NR4A1: variants seen among roughly 807,000 people sequenced by gnomAD.
NR4A1 encodes nuclear receptor subfamily 4immunitygroup A member 1.
Under a neutral mutation model 47.5 loss-of-function variants are expected in NR4A1, and 24 were observed. That is an observed-to-expected ratio of 0.50 (90% CI 0.37 to 0.71). NR4A1 has a LOEUF of 0.71. Ranked by LOEUF, NR4A1 falls within the 30% of genes least tolerant of loss-of-function variation. The probability of loss-of-function intolerance (pLI) is 0.00; values close to 1 mark genes in which losing one functional copy is unlikely to be tolerated. For synonymous variants in NR4A1, 353 were observed against 345.7 expected (o/e 1.02, Z -0.24); for missense variants, 669 against 788.6 (o/e 0.85, Z 1.82).
intron 2 of NR4A1, chr12:52,042,003 TGCCCAAA>T (rs1938459419): frequency 2.0e-6 from 2 of 1,020,248 alleles, no homozygotes; most frequent in African/African-American, 3.4e-5. Context: ...GGGGTGGAGC[TGCCCAAA>T]GCGGATGTGG....
chr12:52,037,568 G>GA (rs905982611), intron 1 of NR4A1: 3 of 982,714 alleles, frequency 3.1e-6, no homozygotes, highest in Middle Eastern at 5.2e-4. Context: ...TGGGGAGTCG[G>GA]GGGGGGGACT....
chr12:52,056,654 C>T lies in NR4A1; in HGVS notation c.1158+9C>T. The T allele has an allele frequency of 2.6e-6, 4 of 1,564,734 alleles. No individual in the cohort carries two copies. The highest frequency in any genetic ancestry group is 3.4e-6 in the Non-Finnish European group (4 of 1,161,658). Reference sequence around the variant, plus strand: ...AACTGGACTACTCCAAGGTGAGGTCCCACCCCGTGTCTGCCTTGGGGAGGT... The same window carrying T: ...AACTGGACTACTCCAAGGTGAGGTCTCACCCCGTGTCTGCCTTGGGGAGGT... On this transcript the variant is annotated intron_variant, in intron 4 of 6. Transcript: ENST00000394825.
chr12:52,057,444 G>A lies in NR4A1; in HGVS notation c.1454G>A (p.Ser485Asn), dbSNP rs1592309586. The A allele has an allele frequency of 1.9e-6, 3 of 1,614,250 alleles. No individual in the cohort carries two copies. Among genetic ancestry groups the A allele is most frequent in the South Asian group, 2.2e-5 (2 of 91,088 alleles). ...CGTGGCTTCGGGGACTGGATTGACAGTATCCTGGCCTTCTCAAGGTCCCTG... is the reference window on the plus strand; with the variant it reads ...CGTGGCTTCGGGGACTGGATTGACAATATCCTGGCCTTCTCAAGGTCCCTG... Reference protein sequence around the residue: ...CARGFGDWIDSILAFSRSLHS... With the variant: ...CARGFGDWIDNILAFSRSLHS... The change falls in exon 6 of 7, where the codon AGT becomes AAT. Residue 485 changes from serine (S) to asparagine (N), a missense_variant. By Grantham distance (46) the Ser-to-Asn change is conservative. Transcript: ENST00000394825.
At chr12:52,046,970 A>G (rs1938671528), upstream of NR4A1, among the ~76,000 whole-genome samples, 1 of 152,090 alleles carries the variant, frequency 6.6e-6, no homozygotes, top group Non-Finnish European at 1.5e-5. Flanking sequence ...AGGTCCTTAT[A>G]TGGGGTCGGT....
intron 1 of NR4A1, among the ~76,000 whole-genome samples, chr12:52,040,300 G>C (rs1215756602): frequency 6.6e-6 from 1 of 152,210 alleles, no homozygotes; most frequent in African/African-American, 2.4e-5. Flanking sequence ...GCACCACCTG[G>C]TGCCAAACTC....
chr12:52,055,340 G>C, intron 2 of NR4A1, 136 bp downstream of exon 2: 3 of 1,177,092 alleles, frequency 2.5e-6, no homozygotes, highest in Non-Finnish European at 3.5e-6. Context: ...AGCCCTGCCA[G>C]GTGGGCCGCC....
upstream of NR4A1, among the ~76,000 whole-genome samples, chr12:52,049,256 C>A (rs1429571006): frequency 6.6e-6 from 1 of 152,274 alleles, no homozygotes; most frequent in African/African-American, 2.4e-5. Context: ...GTTTTTGGAT[C>A]CATGTTGGAT....
chr12:52,048,560 C>G (rs190579952), upstream of NR4A1, among the ~76,000 whole-genome samples: 10 of 152,324 alleles, frequency 6.6e-5, no homozygotes, highest in East Asian at 1.7e-3. Context: ...TGCCACTGCA[C>G]TCCAGCCTGG....
chr12:52,043,736 C>CT, intron 2 of NR4A1: 1 of 1,281,848 alleles, frequency 7.8e-7, no homozygotes, highest in African/African-American at 1.5e-5. Flanking sequence ...ATCCAGAGCT[C>CT]GCTCAGCTGC....
In NR4A1 at chr12:52,054,572, T is replaced by G. The variant is rs937797286; in HGVS notation, c.244T>G (p.Ser82Ala). The change falls in exon 2 of 7, where the codon TCC (serine) becomes GCC (alanine). Residue 82 changes from serine to alanine, a missense_variant. Physicochemically the swap from Ser to Ala is moderately conservative, Grantham distance 99. Transcript: ENST00000394825. The part of the protein sequence containing the change: ...PGTVQPCSSA[S>A]SSASSTSSSS... ...AACAGTCCAGCCATGCTCCTCAGCC[T>G]CCTCCTCGGCCTCCTCCACATCCTC... 6.2e-7 allele frequency: 1 copy of G among 1,614,010 alleles called. No individual in the cohort carries two copies. The highest frequency in any genetic ancestry group is 2.2e-5 in the East Asian group (1 of 44,876).
Position 52,038,367 on chromosome 12 carries a change from C to A in NR4A1, c.-83-3443C>A, listed in dbSNP as rs534684753. ...CGTGAGCCACCGCGCCTGGCAGGCT[C>A]ATTCCCTTTTTATGCCTTCGTTTTT... On this transcript the variant is annotated intron_variant, in intron 1 of 7. Transcript: ENST00000360284. 2.9e-4 allele frequency: 71 copies of A among 244,500 alleles called. 1 individual carries two copies. The highest frequency in any genetic ancestry group is 1.5e-3 in the African/African-American group (68 of 43,942). 15.1% of individuals were successfully genotyped at this position (244,500 alleles called of 1,614,324 possible).
rs1882118 is a variant in NR4A1, at chr12:52,054,404, C to G, written c.76C>G (p.Leu26Val). The G allele has an allele frequency of 0.013, 21,109 of 1,613,722 alleles. 1,876 individuals carry two copies. In the African/African-American group the frequency reaches 0.22, roughly 17 times the overall value. Residue 26 changes from leucine (L) to valine (V), a missense_variant, in exon 2 of 7, where the codon CTG (leucine) becomes GTG (valine). Physicochemically the swap from Leu to Val is conservative, Grantham distance 32. Transcript: ENST00000394825. ...GPRDHLASDP[L>V]TPEFIKPTMD... ...CCGTGACCACCTGGCAAGCGACCCCCTGACCCCTGAGTTCATCAAGCCCAC... is the reference window on the plus strand; with the variant it reads ...CCGTGACCACCTGGCAAGCGACCCCGTGACCCCTGAGTTCATCAAGCCCAC...
intron 6 of NR4A1, 56 bp from the exon 7 acceptor site, chr12:52,058,632 G>T: frequency 6.8e-7 from 1 of 1,477,432 alleles, no homozygotes; most frequent in East Asian, 2.5e-5. Flanking sequence ...GGGGGAGGCT[G>T]GGGCTTTGGG....
At chr12:52,056,431 G>C (rs1446951177) in intron 3 of NR4A1, 63 bp from the exon 4 acceptor site, 2 of 1,585,720 alleles carry the variant, frequency 1.3e-6, no homozygotes, top group Admixed American at 1.9e-5. Flanking sequence ...GGTGTGCACG[G>C]CTTGGGCTGA....
chr12:52,038,624 C>T, intron 1 of NR4A1: 1 of 707,754 alleles, frequency 1.4e-6, no homozygotes, highest in Non-Finnish European at 2.6e-6. Flanking sequence ...AGATCTACTC[C>T]AAGTGAACAT....
upstream of NR4A1, among the ~76,000 whole-genome samples, chr12:52,050,640 C>T (rs903311837): frequency 3.3e-5 from 5 of 152,144 alleles, no homozygotes; most frequent in African/African-American, 9.7e-5. Context: ...AGCTGTTGGC[C>T]GAGCTTGGGC....
At chr12:52,053,330 C>T (rs1045527935) in intron 1 of NR4A1, 2 of 152,132 alleles carry the variant, frequency 1.3e-5, no homozygotes, top group African/African-American at 4.8e-5. Context: ...GGCACAGACC[C>T]TGCTTTAGTG....
In NR4A1 at chr12:52,059,061, C is replaced by T. The variant is rs1196283587; in HGVS notation, c.*117C>T. The T allele has an allele frequency of 5.4e-6, 7 of 1,284,766 alleles. No homozygotes were observed. Among genetic ancestry groups the T allele is most frequent in the African/African-American group, 1.5e-5 (1 of 67,326 alleles). 79.6% of individuals were successfully genotyped at this position (1,284,766 alleles called of 1,614,324 possible). A position where few individuals can be genotyped will look rare whatever the true frequency, so the allele number is the denominator to read the frequency against. On this transcript the variant is annotated 3_prime_UTR_variant, in exon 7 of 7. Transcript: ENST00000394825. The stretch of plus-strand genomic sequence containing the variant: ...GGGCTTGAGCTGCAGAATGACTCCA[C>T]CTTCTCACCTGCTCCAGGAGGTTTG...
At chr12:52,045,497 G>A in intron 2 of NR4A1, 1 of 451,782 alleles carries the variant, frequency 2.2e-6, no homozygotes, top group Admixed American at 2.4e-5. Flanking sequence ...ATGACAGTGG[G>A]GGAGCCCAGG....
Sources: allele counts gnomAD v4.1 joint callset (sites outside exome capture counted in the v4.1 genomes callset), GRCh38; gene constraint gnomAD v4.1.1; transcripts MANE v1.5; gene names NCBI Gene and HGNC (gene_info 2026-07-23, HGNC 2026-07-21).